RHOD: variants seen among roughly 807,000 people sequenced by gnomAD.
RHOD encodes rho-related GTP-binding protein RhoD.
RHOD carries 11 observed loss-of-function variants against 16.7 expected under a neutral mutation model. The ratio of observed to expected loss-of-function variants is 0.66; its 90% confidence interval spans 0.41 to 1.09. The LOEUF (loss-of-function observed/expected upper bound fraction) is 1.09, where lower values mean the gene tolerates loss of function less well. RHOD is among the 50% of genes least tolerant of loss of function. RHOD has a pLI of 0.00. For synonymous variants in RHOD, 124 were observed against 126.3 expected (o/e 0.98, Z 0.12); for missense variants, 271 against 291.7 (o/e 0.93, Z 0.52).
rs1459332319 is a variant in RHOD at position 67,056,870 on chromosome 11, C to G, written c.-33C>G. 1 of 1,353,914 alleles carries G rather than the reference C, an allele frequency of 7.4e-7. No individual in the cohort carries two copies. Among genetic ancestry groups the G allele is most frequent in the Non-Finnish European group, 9.4e-7 (1 of 1,064,102 alleles). 83.9% of individuals were successfully genotyped at this position (1,353,914 alleles called of 1,614,324 possible). ...GCAGTCTGGGTCTCTGCGCCGCAGCCGCCCGCCCGCCCGCTCAGCGCCCGG... is the reference window on the plus strand; with the variant it reads ...GCAGTCTGGGTCTCTGCGCCGCAGCGGCCCGCCCGCCCGCTCAGCGCCCGG... On this transcript the variant is annotated 5_prime_UTR_variant, in exon 1 of 5. Transcript: ENST00000308831.
chr11:67,066,107 G>A (rs2136248038), intron 2 of RHOD, 124 bp downstream of exon 2: 1 of 785,078 alleles, frequency 1.3e-6, no homozygotes, highest in Admixed American at 2.3e-5. Context: ...ACAGGTGTGG[G>A]CCAGGAGTGG....
rs996810174 is a variant in RHOD, at chr11:67,069,012, G to C, written c.331-1413G>C. Among the ~76,000 whole-genome samples the C allele has an allele frequency of 5.9e-5, 9 of 152,102 alleles. No individual in the cohort carries two copies. In the East Asian group the frequency reaches 1.7e-3, roughly 30 times the overall value. On this transcript the variant is annotated intron_variant, in intron 3 of 4. Transcript: ENST00000308831. ...AGACAGAGTCTCACTCTGTCTCCCA[G>C]GCTGGAGTGCAGTGGTACAATCTGG...
At chr11:67,064,203 GAGACCAT>G (rs1271202366) in intron 1 of RHOD, among the ~76,000 whole-genome samples, 1 of 150,530 alleles carries the variant, frequency 6.6e-6, no homozygotes, top group Non-Finnish European at 1.5e-5. Flanking sequence ...TCAGGAGATC[GAGACCAT>G]CCTGGCTAAC....
chr11:67,066,928 G>A (rs895409889), intron 3 of RHOD, 81 bp downstream of exon 3: 3 of 952,034 alleles, frequency 3.2e-6, no homozygotes, highest in Non-Finnish European at 1.7e-6. Context: ...CCAGCTGACT[G>A]TCAGAGCTTG....
chr11:67,063,569 A>G (rs7933721), intron 1 of RHOD, among the ~76,000 whole-genome samples: 77,995 of 145,696 alleles, frequency 0.54, 21,828 homozygotes, highest in African/African-American at 0.7. Flanking sequence ...AGGCCGAGGC[A>G]GGTGGATCAC....
At chr11:67,057,076 C>T (rs1407517329) in intron 1 of RHOD, 42 bp downstream of exon 1, 2 of 1,399,750 alleles carry the variant, frequency 1.4e-6, no homozygotes, top group Admixed American at 6.9e-5. Context: ...TCCGCTCGCG[C>T]GCCCGGGTGT....
intron 1 of RHOD, among the ~76,000 whole-genome samples, chr11:67,063,616 G>T (rs1186135916): frequency 6.6e-6 from 1 of 150,746 alleles, no homozygotes; most frequent in African/African-American, 2.4e-5. Flanking sequence ...TGGCTAATAT[G>T]GTGAAACCCC....
chr11:67,063,831 G>A lies in RHOD; in HGVS notation c.133-2065G>A, dbSNP rs534154974. Among the ~76,000 whole-genome samples the A allele has an allele frequency of 4.7e-5, 7 of 147,794 alleles. No individual in the cohort carries two copies. The East Asian group carries it at 9.9e-4, about 21-fold the overall frequency. On this transcript the variant is annotated intron_variant, in intron 1 of 4. Transcript: ENST00000308831. ...AAAAAAAAAAAAAAAAAAAAGCCCGGGTACAGTGGCTCATGCCTGTAACCC... is the reference window on the plus strand; with the variant it reads ...AAAAAAAAAAAAAAAAAAAAGCCCGAGTACAGTGGCTCATGCCTGTAACCC...
At chr11:67,057,631 G>A (rs1014194861) in intron 1 of RHOD, among the ~76,000 whole-genome samples, 2 of 152,258 alleles carry the variant, frequency 1.3e-5, no homozygotes, top group Non-Finnish European at 2.9e-5. Flanking sequence ...GCTCTGCCTT[G>A]GAGGGTGGGA....
intron 1 of RHOD, among the ~76,000 whole-genome samples, chr11:67,058,216 G>A (rs140293787): frequency 1.5e-4 from 23 of 151,130 alleles, no homozygotes; most frequent in African/African-American, 5.4e-4. Flanking sequence ...TCGCTCTGTC[G>A]CCAGGTTAGA....
At chr11:67,063,796 C>G (rs1246585682) in intron 1 of RHOD, among the ~76,000 whole-genome samples, 6 of 95,488 alleles carry the variant, frequency 6.3e-5, no homozygotes, top group East Asian at 3.4e-4. Flanking sequence ...GCAGGACTCT[C>G]TCTCAAAAAA....
intron 1 of RHOD, among the ~76,000 whole-genome samples, chr11:67,057,616 C>T (rs558946795): frequency 6.6e-6 from 1 of 152,228 alleles, no homozygotes; most frequent in Non-Finnish European, 1.5e-5. Context: ...AAGCACATGC[C>T]ATGGGCTCTG....
At position 67,066,788 on chromosome 11, in the gene RHOD, G is replaced by A. The variant is rs374114201; in HGVS notation, c.271G>A (p.Val91Ile). The A allele has an allele frequency of 2.8e-5, 45 of 1,613,958 alleles. No individual in the cohort carries two copies. The highest frequency in any genetic ancestry group is 6.7e-5 in the African/African-American group (5 of 74,946). ...GCCCCTGTTCTACCCTGACGCCAGC[G>A]TCCTGCTGCTTTGCTTCGATGTCAC... Reference protein sequence around the residue: ...LRPLFYPDASVLLLCFDVTSP... With the variant: ...LRPLFYPDASILLLCFDVTSP... The change falls in exon 3 of 5, where the codon GTC becomes ATC. Residue 91 changes from valine to isoleucine, a missense_variant. Physicochemically the swap from Val to Ile is conservative, Grantham distance 29 (BLOSUM62 3). Transcript: ENST00000308831.
intron 1 of RHOD, among the ~76,000 whole-genome samples, chr11:67,063,845 T>C (rs1423776238): frequency 1.5e-4 from 20 of 136,970 alleles, no homozygotes; most frequent in African/African-American, 4.5e-4. Flanking sequence ...CAGTGGCTCA[T>C]GCCTGTAACC....
chr11:67,067,631 C>T lies in RHOD; in HGVS notation c.330+784C>T, dbSNP rs568171692. Among the ~76,000 whole-genome samples, 13 of 152,260 alleles carry T rather than the reference C, an allele frequency of 8.5e-5. No homozygotes were observed. The East Asian group carries it at 2.1e-3, about 25-fold the overall frequency. On this transcript the variant is annotated intron_variant, in intron 3 of 4. Transcript: ENST00000308831. The stretch of plus-strand genomic sequence containing the variant: ...ATGATTGAGCACATTCGTTCTGGTG[C>T]TGTTCTGGGCATTGGGTACCAGGAG...
chr11:67,069,818 G>A (rs1330420317), intron 3 of RHOD, among the ~76,000 whole-genome samples: 5 of 151,802 alleles, frequency 3.3e-5, no homozygotes, highest in Admixed American at 1.3e-4. Context: ...TCAGCCTCCC[G>A]AGCAGCTGGG....
chr11:67,064,353 C>A (rs963765273), intron 1 of RHOD, among the ~76,000 whole-genome samples: 28 of 149,692 alleles, frequency 1.9e-4, no homozygotes, highest in African/African-American at 6.6e-4. Flanking sequence ...TTGCAGTGAG[C>A]CAGATCACGC....
chr11:67,060,442 A>G (rs977059266), intron 1 of RHOD, among the ~76,000 whole-genome samples: 1 of 152,190 alleles, frequency 6.6e-6, no homozygotes, highest in Admixed American at 6.5e-5. Flanking sequence ...ACAACACAAC[A>G]AAAGGTACAG....
At chr11:67,060,149 C>T (rs529419144) in intron 1 of RHOD, among the ~76,000 whole-genome samples, 1 of 152,376 alleles carries the variant, frequency 6.6e-6, no homozygotes, top group African/African-American at 2.4e-5. Context: ...GCACCCGGCC[C>T]TGCTGGCTAG....
Sources: allele counts gnomAD v4.1 joint callset (sites outside exome capture counted in the v4.1 genomes callset), GRCh38; gene constraint gnomAD v4.1.1; transcripts MANE v1.5; gene names NCBI Gene and HGNC (gene_info 2026-07-23, HGNC 2026-07-21).